The following PTPRD variants were observed in gnomAD, a reference collection of about 807,000 sequenced individuals.
PTPRD encodes receptor-type tyrosine-protein phosphatase delta.
Under a neutral mutation model 214.5 loss-of-function variants are expected in PTPRD, and 34 were observed. The ratio of observed to expected loss-of-function variants is 0.16; its 90% CI spans 0.12 to 0.21. PTPRD has a LOEUF of 0.21. Ranked by LOEUF, PTPRD falls within the 10% of genes least tolerant of loss-of-function variation. PTPRD has a pLI of 1.00. For missense variants in PTPRD, 2,545 were observed against 2,398.7 expected (o/e 1.06, Z -1.27); for synonymous variants, 1,128 against 845.7 (o/e 1.33, Z -5.79).
At chr9:9,813,228 C>A (rs2047704108) in intron 5 of PTPRD, among the ~76,000 whole-genome samples, 2 of 152,070 alleles carry the variant, frequency 1.3e-5, no homozygotes, top group South Asian at 4.1e-4. Context: ...CCTAATTTTA[C>A]ATCTGAAGAA....
intron 8 of PTPRD, among the ~76,000 whole-genome samples, chr9:9,466,349 T>G (rs1236650464): frequency 6.6e-6 from 1 of 152,164 alleles, no homozygotes; most frequent in Admixed American, 6.5e-5. Context: ...CTAGCTTATC[T>G]TCTTCCCAGA....
At chr9:9,449,256 T>A (rs980276756) in intron 8 of PTPRD, among the ~76,000 whole-genome samples, 2 of 152,070 alleles carry the variant, frequency 1.3e-5, no homozygotes, top group Admixed American at 6.6e-5. Context: ...TATTTTGAGT[T>A]GTGCTGATGT....
chr9:9,652,921 T>C (rs1407690580), intron 7 of PTPRD, among the ~76,000 whole-genome samples: 2 of 152,178 alleles, frequency 1.3e-5, no homozygotes, highest in African/African-American at 2.4e-5. Flanking sequence ...GCCAATAATA[T>C]ACCACTTTTA....
At chr9:8,672,595 G>A (rs761523737) in intron 12 of PTPRD, among the ~76,000 whole-genome samples, 1 of 151,772 alleles carries the variant, frequency 6.6e-6, no homozygotes, top group Non-Finnish European at 1.5e-5. Flanking sequence ...TATTAAAAAG[G>A]GTGTAAAGTT....
chr9:9,173,419 G>A (rs2099922693), intron 10 of PTPRD, among the ~76,000 whole-genome samples: 1 of 152,094 alleles, frequency 6.6e-6, no homozygotes, highest in Non-Finnish European at 1.5e-5. Context: ...ACTTAACACT[G>A]GGGATACATT....
intron 5 of PTPRD, among the ~76,000 whole-genome samples, chr9:9,789,665 T>C (rs189194743): frequency 0.013 from 1,920 of 151,472 alleles, 21 homozygotes; most frequent in Non-Finnish European, 0.02. Flanking sequence ...GGCGTGGTGG[T>C]GGGCGCCTGT....
chr9:8,325,049 C>T lies in PTPRD; in HGVS notation c.5535-5083G>A, dbSNP rs572370711. 6.4e-4 allele frequency among the ~76,000 whole-genome samples: 96 copies of T among 150,858 alleles called. 1 individual carries two copies. The highest frequency in any genetic ancestry group is 1.1e-3 in the Non-Finnish European group (76 of 67,728). ...AAATTTCCTCCCATTCTGTAGGTTG[C>T]CTGTTCACTCTGATGGTAGTTTTTT... On this transcript the variant is annotated intron_variant, in intron 44 of 45. Transcript: ENST00000381196.
chr9:9,696,725 A>T (rs2097381646), intron 7 of PTPRD, among the ~76,000 whole-genome samples: 1 of 152,096 alleles, frequency 6.6e-6, no homozygotes, highest in Non-Finnish European at 1.5e-5. Context: ...TGTAGGCAGC[A>T]TATAGTTGTG....
rs139146313 is a variant in PTPRD, at chr9:10,172,796, A to C, written c.-544-139006T>G. ...GTGATACCCAGGCCACTTAGCATTC[A>C]GTGTTGGGTTATGGTATATATGTGA... is the stretch of plus-strand genomic sequence containing the variant. On this transcript the variant is annotated intron_variant, in intron 3 of 45. Coordinates refer to ENST00000381196, the MANE Select transcript of PTPRD (RefSeq NM_002839.4). 9.3e-3 allele frequency among the ~76,000 whole-genome samples: 1,423 copies of C among 152,336 alleles called. 8 individuals carry two copies. The highest frequency in any genetic ancestry group is 0.016 in the Non-Finnish European group (1,061 of 68,024).
At chr9:10,592,502 G>T (rs1219521214) in intron 2 of PTPRD, among the ~76,000 whole-genome samples, 3 of 151,920 alleles carry the variant, frequency 2.0e-5, no homozygotes, top group Admixed American at 2.0e-4. Context: ...CCAGCTACAG[G>T]TAATAGCCAT....
intron 11 of PTPRD, among the ~76,000 whole-genome samples, chr9:8,764,076 A>G (rs545870389): frequency 2.0e-5 from 3 of 152,312 alleles, no homozygotes; most frequent in East Asian, 1.9e-4. Context: ...AAAATGTGAA[A>G]CCATTTGCAG....
chr9:9,595,482 A>G (rs910067838), intron 7 of PTPRD, among the ~76,000 whole-genome samples: 1 of 150,660 alleles, frequency 6.6e-6, no homozygotes, highest in African/African-American at 2.4e-5. Context: ...ATGCATACAC[A>G]TGTATGCATA....
At chr9:9,183,120 C>T (rs2099929210) in intron 10 of PTPRD, among the ~76,000 whole-genome samples, 184 bp downstream of exon 10, 1 of 151,926 alleles carries the variant, frequency 6.6e-6, no homozygotes, top group Non-Finnish European at 1.5e-5. Flanking sequence ...GTCATTAATA[C>T]ATTATAAAGG....
chr9:9,647,643 T>A (rs1199093248), intron 7 of PTPRD, among the ~76,000 whole-genome samples: 1 of 152,218 alleles, frequency 6.6e-6, no homozygotes, highest in Non-Finnish European at 1.5e-5. Context: ...GTTTTCCCTT[T>A]GACTCAGTGC....
intron 5 of PTPRD, among the ~76,000 whole-genome samples, chr9:9,934,829 A>C (rs2088520894): frequency 6.6e-6 from 1 of 152,128 alleles, no homozygotes; most frequent in Non-Finnish European, 1.5e-5. Context: ...AATCCTCAAT[A>C]AAATACTGGC....
At chr9:8,728,119 A>G (rs1475991867) in intron 12 of PTPRD, among the ~76,000 whole-genome samples, 1 of 151,176 alleles carries the variant, frequency 6.6e-6, no homozygotes, top group African/African-American at 2.4e-5. Context: ...GTGTGGTGGC[A>G]CACGCCTGTA....
chr9:9,957,883 GA>G (rs112178494), intron 4 of PTPRD, among the ~76,000 whole-genome samples: 116 of 139,222 alleles, frequency 8.3e-4, no homozygotes, highest in Middle Eastern at 3.6e-3. Context: ...GACAGGGTGA[GA>G]AAAAAAAAAA....
At chr9:10,565,478 T>G (rs947188365) in intron 2 of PTPRD, among the ~76,000 whole-genome samples, 2 of 152,104 alleles carry the variant, frequency 1.3e-5, no homozygotes, top group African/African-American at 4.8e-5. Flanking sequence ...CAGTTTATGA[T>G]CTGGTAAAGG....
intron 8 of PTPRD, among the ~76,000 whole-genome samples, chr9:9,569,222 T>C (rs1332512863): frequency 6.6e-6 from 1 of 151,354 alleles, no homozygotes; most frequent in Admixed American, 6.6e-5. Flanking sequence ...ATGTTATAAG[T>C]GTAATGAAAT....
Sources: allele counts gnomAD v4.1 joint callset (sites outside exome capture counted in the v4.1 genomes callset), GRCh38; gene constraint gnomAD v4.1.1; transcripts MANE v1.5; gene names NCBI Gene and HGNC (gene_info 2026-07-23, HGNC 2026-07-21).